VPS8: variants seen among roughly 807,000 people sequenced by gnomAD.
VPS8 encodes vacuolar protein sorting-associated protein 8 homolog.
VPS8 carries 129 observed loss-of-function variants against 216.4 expected under a neutral mutation model. The observed-to-expected ratio is 0.60, with a 90% CI of 0.52 to 0.69. The LOEUF (loss-of-function observed/expected upper bound fraction) is 0.69, where lower values mean the gene tolerates loss of function less well. Ranked by LOEUF, VPS8 falls within the 30% of genes least tolerant of loss-of-function variation. The pLI is 0.00. For missense variants in VPS8, 1,531 were observed against 1,683.5 expected (o/e 0.91, Z 1.59); for synonymous variants, 571 against 565.4 (o/e 1.01, Z -0.14).
intron 16 of VPS8, among the ~76,000 whole-genome samples, chr3:184,864,690 T>A (rs1046970505): frequency 3.9e-5 from 6 of 152,098 alleles, no homozygotes; most frequent in African/African-American, 1.4e-4. Context: ...ATCTTAAAAG[T>A]AAGACCAGAA....
rs200664407 is a variant in VPS8, at chr3:185,001,072, C to A, written c.4002+1211C>A. ...ATTGAACAGTGTGATAGGCACTGTG[C>A]CAGGTGCCTGGGGATACAATGGTAG... On this transcript the variant is annotated intron_variant, in intron 45 of 47. Transcript: ENST00000625842. Among the ~76,000 whole-genome samples, 9 of 152,156 alleles carry A rather than the reference C, an allele frequency of 5.9e-5. No homozygotes were observed. The East Asian group carries it at 1.7e-3, about 29-fold the overall frequency.
intron 45 of VPS8, among the ~76,000 whole-genome samples, chr3:185,023,423 C>T (rs556213365): frequency 8.5e-5 from 13 of 152,128 alleles, no homozygotes; most frequent in African/African-American, 2.9e-4. Flanking sequence ...ATTGGCTGGA[C>T]GCAGCTCATG....
At chr3:184,907,078 A>G (rs945595645) in intron 25 of VPS8, among the ~76,000 whole-genome samples, 2 of 152,170 alleles carry the variant, frequency 1.3e-5, no homozygotes, top group Non-Finnish European at 2.9e-5. Flanking sequence ...CAAGATGGGC[A>G]GCTTGCTTTT....
At position 184,839,769 on chromosome 3, in the gene VPS8, T is replaced by A. The variant is rs1350039464; in HGVS notation, c.535+17T>A. 2 of 1,580,768 alleles carry A rather than the reference T, an allele frequency of 1.3e-6. No homozygotes were observed. The highest frequency in any genetic ancestry group is 3.7e-5 in the Admixed American group (2 of 54,740). On this transcript the variant is annotated intron_variant, in intron 7 of 47. Coordinates refer to ENST00000625842, the MANE Select transcript of VPS8 (RefSeq NM_001009921.3). Reference sequence around the variant, plus strand: ...TAATATTTGGTAAATTTTTAAGTGCTTTCCTGCTTTTAAATATTAAGTGTC... The same window carrying A: ...TAATATTTGGTAAATTTTTAAGTGCATTCCTGCTTTTAAATATTAAGTGTC...
intron 27 of VPS8, 150 bp downstream of exon 27, chr3:184,915,203 G>A: frequency 7.5e-7 from 1 of 1,327,652 alleles, no homozygotes; most frequent in Admixed American, 2.4e-5. Flanking sequence ...TCAATAATTA[G>A]AGCTGAGAAA....
chr3:184,952,007 A>T (rs547855250), intron 36 of VPS8, among the ~76,000 whole-genome samples: 1 of 152,336 alleles, frequency 6.6e-6, no homozygotes, highest in African/African-American at 2.4e-5. Flanking sequence ...ATTTTCTGGA[A>T]AGAATTAAGT....
chr3:184,817,887 A>G (rs1716684802), intron 1 of VPS8, among the ~76,000 whole-genome samples: 1 of 152,254 alleles, frequency 6.6e-6, no homozygotes, highest in Non-Finnish European at 1.5e-5. Flanking sequence ...AAATTAACTA[A>G]TGAATCAGCA....
At chr3:184,849,372 C>A in intron 9 of VPS8, 177 bp downstream of exon 9, 1 of 670,872 alleles carries the variant, frequency 1.5e-6, no homozygotes, top group Non-Finnish European at 2.3e-6. Context: ...TAATTGTTAT[C>A]GACTGACCCA....
chr3:185,006,505 C>A (rs994784002), intron 45 of VPS8, among the ~76,000 whole-genome samples: 4 of 152,134 alleles, frequency 2.6e-5, no homozygotes, highest in Non-Finnish European at 4.4e-5. Flanking sequence ...ACATCCATAC[C>A]ATATTGGCAG....
At chr3:184,892,069 G>A (rs925230724) in intron 22 of VPS8, among the ~76,000 whole-genome samples, 16 of 152,104 alleles carry the variant, frequency 1.1e-4, no homozygotes, top group South Asian at 6.2e-4. Context: ...ATTCATGATC[G>A]ATTTTCTGTT....
In VPS8 at chr3:184,820,132, G is replaced by T. The variant is rs115707462; in HGVS notation, c.-88-4413G>T. 5.3e-5 allele frequency among the ~76,000 whole-genome samples: 8 copies of T among 152,092 alleles called. No homozygotes were observed. The East Asian group carries it at 1.5e-3, about 29-fold the overall frequency. On this transcript the variant is annotated intron_variant, in intron 1 of 47. Coordinates refer to ENST00000625842, the MANE Select transcript of VPS8 (RefSeq NM_001009921.3). ...TGTCTATTCATTTCCTATTGTTGCC[G>T]TAAATTACCGTAAAGTTAGTAGTAT...
At chr3:184,980,811 G>A (rs749576232) in intron 40 of VPS8, among the ~76,000 whole-genome samples, 1 of 152,114 alleles carries the variant, frequency 6.6e-6, no homozygotes, top group Non-Finnish European at 1.5e-5. Context: ...TCTGAATTCT[G>A]TATCTGTCAT....
At chr3:184,816,429 T>G (rs1234938338) in intron 1 of VPS8, among the ~76,000 whole-genome samples, 2 of 152,196 alleles carry the variant, frequency 1.3e-5, no homozygotes, top group South Asian at 4.1e-4. Flanking sequence ...TATGTACTTA[T>G]GATCACTCTC....
chr3:184,915,224 G>C, intron 27 of VPS8, 131 bp from the exon 28 acceptor site: 1 of 1,356,942 alleles, frequency 7.4e-7, no homozygotes, highest in East Asian at 2.5e-5. Flanking sequence ...GAATTTAAGA[G>C]AGAACTTAAA....
rs569091615 is a variant in VPS8, at chr3:184,989,844, G to A, written c.3586-4139G>A. Among the ~76,000 whole-genome samples the A allele has an allele frequency of 2.5e-4, 38 of 151,962 alleles. 2 individuals are homozygous for A. Among genetic ancestry groups the A allele is most frequent in the Middle Eastern group, 6.8e-3 (2 of 294 alleles). On this transcript the variant is annotated intron_variant, in intron 42 of 47. Transcript: ENST00000625842. ...TCCCAGCACTTTGGGAGGCCGAGGC[G>A]GGCAGATCACGAGGTCAGGAGATCG...
Position 184,878,274 on chromosome 3 carries a change from C to A in VPS8, c.1734+7469C>A, listed in dbSNP as rs1212176720. Among the ~76,000 whole-genome samples, 4 of 152,030 alleles carry A rather than the reference C, an allele frequency of 2.6e-5. No homozygotes were observed. The East Asian group carries it at 7.7e-4, about 29-fold the overall frequency. On this transcript the variant is annotated intron_variant, in intron 21 of 47. Transcript: ENST00000625842. The stretch of plus-strand genomic sequence containing the variant: ...TACAGGTGCCCGCCACCACACCCAG[C>A]TAATTTTTGTACTTTTAGTGGAGAT...
At chr3:184,975,054 C>G (rs1242837956) in intron 40 of VPS8, among the ~76,000 whole-genome samples, 1 of 151,880 alleles carries the variant, frequency 6.6e-6, no homozygotes, top group Non-Finnish European at 1.5e-5. Context: ...TTTTGTAGTT[C>G]CATATGAATT....
At chr3:184,898,808 T>C (rs1733973273) in intron 24 of VPS8, among the ~76,000 whole-genome samples, 154 bp downstream of exon 24, 1 of 152,186 alleles carries the variant, frequency 6.6e-6, no homozygotes, top group Admixed American at 6.5e-5. Context: ...CTTGGGGCTT[T>C]TAGATAGTCT....
chr3:185,025,829 G>A (rs1174214570), intron 46 of VPS8, among the ~76,000 whole-genome samples: 1 of 152,202 alleles, frequency 6.6e-6, no homozygotes, highest in South Asian at 2.1e-4. Context: ...GATACCACCA[G>A]ACTTGGGTTC....
Sources: gnomAD v4.1 joint callset for allele counts (sites outside exome capture counted in the v4.1 genomes callset) on GRCh38, gnomAD v4.1.1 for gene constraint, MANE v1.5 for transcripts, NCBI Gene and HGNC (gene_info 2026-07-23, HGNC 2026-07-21) for gene names.